IL1RAPL2: variants seen among roughly 807,000 people sequenced by gnomAD.
The protein encoded by IL1RAPL2 is X-linked interleukin-1 receptor accessory protein-like 2.
IL1RAPL2 carries 3 observed loss-of-function variants against 44.1 expected under a neutral mutation model. The observed-to-expected ratio is 0.07, with a 90% CI of 0.03 to 0.18. The LOEUF (loss-of-function observed/expected upper bound fraction) is 0.18. Among genes scored for constraint, IL1RAPL2 ranks in the 10% least tolerant of loss-of-function variants. The probability of loss-of-function intolerance (pLI) is 1.00; values close to 1 mark genes in which losing one functional copy is unlikely to be tolerated. For missense variants in IL1RAPL2, 391 were observed against 496.4 expected (o/e 0.79, Z 2.02); for synonymous variants, 181 against 178.8 (o/e 1.01, Z -0.10).
chrX:105,134,351 A>G (rs1470568114), intron 2 of IL1RAPL2, among the ~76,000 whole-genome samples: 1 of 112,111 alleles, frequency 8.9e-6, no homozygotes, highest in Non-Finnish European at 1.9e-5. Context: ...TTTCTTCCTT[A>G]CCCCATGTTA....
chrX:104,568,791 C>T lies in IL1RAPL2; in HGVS notation c.-20+1740C>T, dbSNP rs988216457. The stretch of plus-strand genomic sequence containing the variant: ...CTGAGCCGAGGCTTCAGCAGAAGTG[C>T]CTATCTTCGCCACTTGCATCCCTTC... On this transcript the variant is annotated intron_variant, in intron 1 of 10. Transcript: ENST00000372582. Among the ~76,000 whole-genome samples, 4 of 111,521 alleles carry T rather than the reference C, an allele frequency of 3.6e-5. No homozygotes were observed. The Admixed American group carries it at 3.8e-4, about 11-fold the overall frequency.
intron 6 of IL1RAPL2, among the ~76,000 whole-genome samples, chrX:105,582,287 T>G (rs1226921860): frequency 8.1e-5 from 9 of 111,230 alleles, no homozygotes; most frequent in African/African-American, 2.9e-4. Flanking sequence ...AAAATTTTGT[T>G]TTGCTCTTCT....
chrX:104,908,199 C>T (rs1924094634), intron 2 of IL1RAPL2, among the ~76,000 whole-genome samples: 1 of 111,592 alleles, frequency 9.0e-6, no homozygotes, highest in African/African-American at 3.3e-5. Flanking sequence ...ATGTGTGTCT[C>T]TGCACGTGAG....
At chrX:104,608,209 TCA>T (rs991151126) in intron 1 of IL1RAPL2, among the ~76,000 whole-genome samples, 1 of 108,854 alleles carries the variant, frequency 9.2e-6, no homozygotes, top group African/African-American at 3.4e-5. Flanking sequence ...GAGGGGAACA[TCA>T]CACACTGGGC....
At chrX:104,913,402 T>C (rs1054045564) in intron 2 of IL1RAPL2, among the ~76,000 whole-genome samples, 1 of 111,573 alleles carries the variant, frequency 9.0e-6, no homozygotes. Context: ...AATTTCAAAA[T>C]ATCAGTTTCT....
intron 2 of IL1RAPL2, among the ~76,000 whole-genome samples, chrX:105,194,077 G>A (rs1460726723): frequency 2.7e-5 from 3 of 111,698 alleles, no homozygotes; most frequent in African/African-American, 9.8e-5. Context: ...GTGCAAATAG[G>A]CACATTGTTT....
chrX:105,444,711 C>T (rs1211721555), intron 5 of IL1RAPL2, among the ~76,000 whole-genome samples: 1 of 110,646 alleles, frequency 9.0e-6, no homozygotes, highest in Non-Finnish European at 1.9e-5. Context: ...CATAGGTATA[C>T]CTGTGCCATG....
At chrX:105,756,339 C>T (rs2038639153) in intron 10 of IL1RAPL2, among the ~76,000 whole-genome samples, 1 of 111,523 alleles carries the variant, frequency 9.0e-6, no homozygotes, top group Admixed American at 9.5e-5. Flanking sequence ...ACCCCAAAAT[C>T]GTCCAAGATC....
At chrX:105,366,095 C>T (rs2035292650) in intron 5 of IL1RAPL2, among the ~76,000 whole-genome samples, 1 of 110,890 alleles carries the variant, frequency 9.0e-6, no homozygotes, top group Admixed American at 9.6e-5. Flanking sequence ...TTACAGGCGC[C>T]TGCCATCACG....
chrX:105,087,010 A>G (rs1406491376), intron 2 of IL1RAPL2, among the ~76,000 whole-genome samples: 1 of 110,286 alleles, frequency 9.1e-6, no homozygotes, highest in Non-Finnish European at 1.9e-5. Context: ...TTTTAAAAAA[A>G]CCCTCAGGCA....
At chrX:105,401,756 C>T (rs1272154150) in intron 5 of IL1RAPL2, among the ~76,000 whole-genome samples, 1 of 110,387 alleles carries the variant, frequency 9.1e-6, no homozygotes, top group Admixed American at 9.7e-5. Flanking sequence ...TGATTATTTA[C>T]TCTAATTCTT....
intron 3 of IL1RAPL2, 143 bp downstream of exon 3, chrX:105,195,891 A>G (rs782454276): frequency 3.1e-5 from 17 of 540,423 alleles, no homozygotes; most frequent in Non-Finnish European, 4.5e-5. Context: ...AGTAAATTCC[A>G]GTTCTAATTA....
At chrX:105,369,628 GGGAGA>G (rs1437396789) in intron 5 of IL1RAPL2, among the ~76,000 whole-genome samples, 2 of 111,391 alleles carry the variant, frequency 1.8e-5, no homozygotes, top group East Asian at 5.7e-4. Context: ...TTTGAACCTG[GGGAGA>G]TAGCTGCTGA....
chrX:104,577,650 A>G (rs918258216), intron 1 of IL1RAPL2, among the ~76,000 whole-genome samples: 3 of 110,933 alleles, frequency 2.7e-5, no homozygotes, highest in Non-Finnish European at 5.7e-5. Flanking sequence ...ACTGGTTGTG[A>G]GGTGGGAAGA....
chrX:104,810,517 T>C (rs1214072953), intron 2 of IL1RAPL2, among the ~76,000 whole-genome samples: 1 of 111,606 alleles, frequency 9.0e-6, no homozygotes, highest in Non-Finnish European at 1.9e-5. Flanking sequence ...CAGATTTTCT[T>C]TTCCTTCTAT....
chrX:104,920,975 G>C (rs1924621557), intron 2 of IL1RAPL2, among the ~76,000 whole-genome samples: 1 of 110,944 alleles, frequency 9.0e-6, no homozygotes, highest in African/African-American at 3.3e-5. Flanking sequence ...GAGGCTGCCT[G>C]CTTGGTATTG....
intron 2 of IL1RAPL2, among the ~76,000 whole-genome samples, chrX:104,921,363 A>T (rs756987414): frequency 6.8e-4 from 75 of 110,229 alleles, no homozygotes; most frequent in African/African-American, 2.3e-3. Context: ...TGCCATTGCC[A>T]TGGGGCTGAG....
At chrX:104,588,647 C>T (rs188629432) in intron 1 of IL1RAPL2, among the ~76,000 whole-genome samples, 2 of 111,379 alleles carry the variant, frequency 1.8e-5, no homozygotes, top group East Asian at 5.6e-4. Flanking sequence ...GAATAGTATA[C>T]CAAGCAAAGT....
chrX:105,158,313 C>G (rs1241154468), intron 2 of IL1RAPL2, among the ~76,000 whole-genome samples: 1 of 110,672 alleles, frequency 9.0e-6, no homozygotes. Context: ...GAGCCGAGAT[C>G]GCGCCACTGC....
Sources: allele counts gnomAD v4.1 joint callset (sites outside exome capture counted in the v4.1 genomes callset), GRCh38; gene constraint gnomAD v4.1.1; transcripts MANE v1.5; gene names NCBI Gene and HGNC (gene_info 2026-07-23, HGNC 2026-07-21).